The following IREB2 variants were observed in gnomAD, a reference collection of about 807,000 sequenced individuals.
IREB2 encodes iron responsive element binding protein 2.
Under a neutral mutation model 118.8 loss-of-function variants are expected in IREB2, and 39 were observed. That is an observed-to-expected ratio of 0.33 (90% CI 0.25 to 0.43). The LOEUF is 0.43. Ranked by LOEUF, IREB2 falls within the 20% of genes least tolerant of loss-of-function variation. IREB2 has a pLI of 1.00. For missense variants in IREB2, 900 were observed against 1,147.3 expected, an observed-to-expected ratio of 0.78 and a Z score of 3.11; for synonymous variants, 372 against 392.2, an observed-to-expected ratio of 0.95 and a Z score of 0.61.
At chr15:78,468,542 CTTT>C (rs111279004) in intron 5 of IREB2, among the ~76,000 whole-genome samples, 1 of 143,518 alleles carries the variant, frequency 7.0e-6, no homozygotes, top group Admixed American at 7.0e-5. Flanking sequence ...CTCCACCTGG[CTTT>C]TTTTTTTTTT....
intron 8 of IREB2, chr15:78,473,884 C>A (rs1422132582): frequency 1.3e-5 from 2 of 151,954 alleles, no homozygotes; most frequent in Non-Finnish European, 2.9e-5. Context: ...TTGATTGTGT[C>A]GTCTTTAATT....
At chr15:78,476,464 T>C in intron 9 of IREB2, 105 bp downstream of exon 9, 1 of 799,890 alleles carries the variant, frequency 1.3e-6, no homozygotes, top group Non-Finnish European at 1.8e-6. Context: ...ATTCACAAAA[T>C]TACATTATGT....
chr15:78,485,746 A>G lies in IREB2; in HGVS notation c.1615A>G (p.Lys539Glu). The G allele has an allele frequency of 6.2e-7, 1 of 1,614,056 alleles. No individual in the cohort carries two copies. Among genetic ancestry groups the G allele is most frequent in the East Asian group, 2.2e-5 (1 of 44,866 alleles). The change falls in exon 13 of 22, where the codon AAA becomes GAA. Residue 539 changes from lysine to glutamate, a missense_variant. Physicochemically the swap from Lys to Glu is moderately conservative, Grantham distance 56. Transcript: ENST00000258886. ...KKAVEAGLRV[K>E]PYIRTSLSPG... ...GGCTGTTGAAGCTGGTCTGCGTGTT[A>G]AACCTTATATAAGAACAAGTTTATC...
At chr15:78,493,477 T>G (rs2051785976) in intron 18 of IREB2, among the ~76,000 whole-genome samples, 1 of 152,234 alleles carries the variant, frequency 6.6e-6, no homozygotes, top group Admixed American at 6.5e-5. Context: ...CAACTGTAGA[T>G]TAAAACACTT....
At chr15:78,459,812 C>A (rs932454223) in intron 2 of IREB2, among the ~76,000 whole-genome samples, 1 of 151,976 alleles carries the variant, frequency 6.6e-6, no homozygotes, top group African/African-American at 2.4e-5. Context: ...GTCTTCCTCT[C>A]CTCTTTTTTC....
rs529885172 is a variant in IREB2 at position 78,443,442 on chromosome 15, T to G, written c.106+3561T>G. Among the ~76,000 whole-genome samples the G allele has an allele frequency of 2.1e-4, 32 of 152,316 alleles. No homozygotes were observed. In the Middle Eastern group the frequency reaches 0.01, roughly 49 times the overall value. On this transcript the variant is annotated intron_variant, in intron 2 of 21. Coordinates refer to ENST00000258886, the MANE Select transcript of IREB2 (RefSeq NM_004136.4). ...CCTGATGCCTTCTCTTATTCTGACTTTAGATAGAGTTCAACACAGATTATT... is the reference window on the plus strand; with the variant it reads ...CCTGATGCCTTCTCTTATTCTGACTGTAGATAGAGTTCAACACAGATTATT...
Position 78,498,370 on chromosome 15 carries a change from G to A in IREB2, c.*227G>A. 3.6e-6 allele frequency: 1 copy of A among 276,658 alleles called. No individual in the cohort carries two copies. The highest frequency in any genetic ancestry group is 6.6e-6 in the Non-Finnish European group (1 of 150,760). 17.1% of individuals were successfully genotyped at this position (276,658 alleles called of 1,614,324 possible). A position where few individuals can be genotyped will look rare whatever the true frequency, so the allele number is the denominator to read the frequency against. ...TTGCTAAAATCAACGTGTGAAGTGT[G>A]TTGTGGAAGAGACCTGTAAGTATGG... On this transcript the variant is annotated 3_prime_UTR_variant, in exon 22 of 22. Transcript: ENST00000258886.
At chr15:78,446,293 A>T (rs75367798) in intron 2 of IREB2, among the ~76,000 whole-genome samples, 137 of 152,236 alleles carry the variant, frequency 9.0e-4, no homozygotes, top group Non-Finnish European at 1.7e-3. Flanking sequence ...ACATCATCCT[A>T]CTAGTCCATG....
chr15:78,468,066 CT>C (rs369702769), intron 5 of IREB2, among the ~76,000 whole-genome samples: 70 of 152,274 alleles, frequency 4.6e-4, no homozygotes, highest in Non-Finnish European at 2.8e-4. Context: ...GTTGCCCAGA[CT>C]GGTCTCGAAC....
In IREB2 at chr15:78,484,829, A is replaced by G. The variant is rs1290765137; in HGVS notation, c.1482A>G (p.Gly494=). 43 of 1,612,540 alleles carry G rather than the reference A, an allele frequency of 2.7e-5. No homozygotes were observed. The highest frequency in any genetic ancestry group is 3.6e-5 in the Non-Finnish European group (42 of 1,178,752). Reference sequence around the variant, plus strand: ...ATATTGTCTCCATTCATTATGAAGGAAGTGAATATAAGCTGTCTCATGGAT... The same window carrying G: ...ATATTGTCTCCATTCATTATGAAGGGAGTGAATATAAGCTGTCTCATGGAT... The part of the protein sequence containing the change: ...QKDIVSIHYE[G]SEYKLSHGSV... Residue 494 remains glycine, a synonymous_variant, in exon 12 of 22, where the codon GGA becomes GGG. Transcript: ENST00000258886.
chr15:78,471,430 AG>A (rs1474279949), intron 6 of IREB2, among the ~76,000 whole-genome samples: 2 of 152,200 alleles, frequency 1.3e-5, no homozygotes. Flanking sequence ...TAGGAGAGAG[AG>A]CTTGGAGGGA....
intron 8 of IREB2, chr15:78,475,286 CAAAT>C (rs952888023): frequency 6.6e-6 from 1 of 151,912 alleles, no homozygotes; most frequent in Non-Finnish European, 1.5e-5. Context: ...TTAGAAAAGA[CAAAT>C]AACTGGTTGG....
intron 2 of IREB2, among the ~76,000 whole-genome samples, chr15:78,451,792 A>G (rs2051029788): frequency 6.6e-6 from 1 of 151,928 alleles, no homozygotes; most frequent in Non-Finnish European, 1.5e-5. Context: ...AGTTCAAGCG[A>G]TTCTCCTGCC....
chr15:78,485,941 A>G (rs1415896368), intron 13 of IREB2, 101 bp downstream of exon 13: 7 of 1,031,290 alleles, frequency 6.8e-6, no homozygotes, highest in African/African-American at 1.6e-5. Context: ...TAGAAAAAAT[A>G]TGCTTTAGTT....
Position 78,497,330 on chromosome 15 carries a change from A to T in IREB2, c.2781+19A>T. 1 of 1,543,080 alleles carries T rather than the reference A, an allele frequency of 6.5e-7. No individual in the cohort carries two copies. The highest frequency in any genetic ancestry group is 8.9e-7 in the Non-Finnish European group (1 of 1,117,414). On this transcript the variant is annotated intron_variant, in intron 21 of 21. Transcript: ENST00000258886. ...TATACAGGTATCTCTAAATTTTTCA[A>T]ATATATGATTATGCACTCAAATGTT... is the stretch of plus-strand genomic sequence containing the variant.
In IREB2 at chr15:78,463,085, T is replaced by A. The variant is rs1308581895; in HGVS notation, c.270T>A (p.Phe90Leu). 3 of 1,596,314 alleles carry A rather than the reference T, an allele frequency of 1.9e-6. No homozygotes were observed. Among genetic ancestry groups the A allele is most frequent in the Non-Finnish European group, 2.6e-6 (3 of 1,173,780 alleles). The change falls in exon 3 of 22, where the codon TTT becomes TTA. Residue 90 changes from phenylalanine (F) to leucine (L), a missense_variant and splice_region_variant. Transcript: ENST00000258886. The stretch of plus-strand genomic sequence containing the variant: ...CTGCCCGTGTTCTTCTTCAAGATTT[T>A]ACGTGAGTAATGGGTTTATTTTTTG... ...FFPARVLLQD[F>L]TGIPAMVDFA...
chr15:78,485,943 G>T, intron 13 of IREB2, 103 bp downstream of exon 13: 1 of 1,009,772 alleles, frequency 9.9e-7, no homozygotes, highest in Non-Finnish European at 1.5e-6. Flanking sequence ...GAAAAAATAT[G>T]CTTTAGTTTT....
At chr15:78,489,179 G>A (rs1428166700) in intron 16 of IREB2, among the ~76,000 whole-genome samples, 3 of 150,696 alleles carry the variant, frequency 2.0e-5, no homozygotes, top group Non-Finnish European at 2.9e-5. Context: ...CCGAGATCGC[G>A]CCACTGCACT....
chr15:78,491,824 G>A (rs1224176220), intron 18 of IREB2, among the ~76,000 whole-genome samples: 1 of 152,138 alleles, frequency 6.6e-6, no homozygotes, highest in South Asian at 2.1e-4. Flanking sequence ...GTGTTGACAT[G>A]TGATAATATT....
Sources: allele counts gnomAD v4.1 joint callset (sites outside exome capture counted in the v4.1 genomes callset), GRCh38; gene constraint gnomAD v4.1.1; transcripts MANE v1.5; gene names NCBI Gene and HGNC (gene_info 2026-07-23, HGNC 2026-07-21).